Variants in CACNB4 observed in about 807,000 individuals in gnomAD.
CACNB4 encodes the protein voltage-dependent L-type calcium channel subunit beta-4.
CACNB4 carries 32 observed loss-of-function variants against 71.2 expected under a neutral mutation model. The ratio of observed to expected loss-of-function variants is 0.45; its 90% CI spans 0.34 to 0.60. The LOEUF is 0.60. Ranked by LOEUF, CACNB4 falls within the 20% of genes least tolerant of loss-of-function variation. The pLI is 0.01. For missense variants in CACNB4, 464 were observed against 647.9 expected, an observed-to-expected ratio of 0.72 and a Z score of 3.08; for synonymous variants, 231 against 236.9, an observed-to-expected ratio of 0.97 and a Z score of 0.23.
At chr2:151,886,267 A>C (rs768281803) in intron 2 of CACNB4, among the ~76,000 whole-genome samples, 1 of 152,186 alleles carries the variant, frequency 6.6e-6, no homozygotes, top group Non-Finnish European at 1.5e-5. Flanking sequence ...GTAAGTCAGG[A>C]AGAAGGCACT....
chr2:152,065,149 G>T (rs528092346), intron 2 of CACNB4, among the ~76,000 whole-genome samples: 1 of 152,110 alleles, frequency 6.6e-6, no homozygotes, highest in Non-Finnish European at 1.5e-5. Context: ...TTGGGAGACC[G>T]AGGTGGGCAG....
intron 2 of CACNB4, among the ~76,000 whole-genome samples, chr2:151,923,824 A>G (rs2099859544): frequency 6.6e-6 from 1 of 152,156 alleles, no homozygotes; most frequent in Non-Finnish European, 1.5e-5. Flanking sequence ...AAAATGTGGA[A>G]GACTGGGAAA....
intron 2 of CACNB4, among the ~76,000 whole-genome samples, chr2:151,993,151 G>GT (rs34066188): frequency 5.7e-4 from 83 of 145,148 alleles, no homozygotes; most frequent in Middle Eastern, 7.1e-3. Context: ...CACGTTTTTT[G>GT]TTTTTTTTTT....
At chr2:151,861,854 A>AAAAAAAAAAAAAAAAAAACAAAAC (rs1559883066) in intron 9 of CACNB4, 1 of 150,118 alleles carries the variant, frequency 6.7e-6, no homozygotes, top group African/African-American at 2.5e-5. Context: ...AAAAAAAAAA[A>AAAAAAAAAAAAAAAAAAACAAAAC]AAAACTGAAG....
chr2:152,005,856 A>G (rs1682692810), intron 2 of CACNB4, among the ~76,000 whole-genome samples: 1 of 152,174 alleles, frequency 6.6e-6, no homozygotes, highest in African/African-American at 2.4e-5. Context: ...ATTTGTAAAT[A>G]GGGATAACAA....
intron 2 of CACNB4, among the ~76,000 whole-genome samples, chr2:151,957,597 T>G (rs2099868654): frequency 6.6e-6 from 1 of 152,156 alleles, no homozygotes; most frequent in Non-Finnish European, 1.5e-5. Flanking sequence ...TCACAAACTC[T>G]CGAGCTGACC....
chr2:152,098,452 G>A lies in CACNB4; in HGVS notation c.64-39C>T, dbSNP rs750082820. 3.8e-6 allele frequency: 6 copies of A among 1,562,170 alleles called. No individual in the cohort carries two copies. In the Admixed American group the frequency reaches 5.0e-5, roughly 13 times the overall value. On this transcript the variant is annotated intron_variant, in intron 1 of 13. Transcript: ENST00000539935. The surrounding 1 kb of genome is among the most constrained non-coding windows in gnomAD (Gnocchi z 5.3). ...ACGGGGGCCAGAGAGAAGCCGGTGA[G>A]GACCGCAGCGCAGAGCGGGGCGACC...
intron 2 of CACNB4, among the ~76,000 whole-genome samples, chr2:152,085,216 A>G (rs1687591252): frequency 6.6e-6 from 1 of 152,074 alleles, no homozygotes; most frequent in South Asian, 2.1e-4. Context: ...ATGCAAGTAC[A>G]GGCAGAGGGG....
intron 2 of CACNB4, among the ~76,000 whole-genome samples, chr2:151,903,375 C>T (rs1398273396): frequency 6.6e-6 from 1 of 151,874 alleles, no homozygotes; most frequent in Non-Finnish European, 1.5e-5. Flanking sequence ...AAAAATTAGC[C>T]GGATGTGGTG....
intron 2 of CACNB4, among the ~76,000 whole-genome samples, chr2:152,013,740 C>T (rs559113195): frequency 1.3e-5 from 2 of 152,182 alleles, no homozygotes; most frequent in East Asian, 1.9e-4. Context: ...GTGTTATAAT[C>T]GCAAAGCCCT....
At chr2:151,846,489 T>A (rs988974461) in intron 12 of CACNB4, among the ~76,000 whole-genome samples, 3 of 152,194 alleles carry the variant, frequency 2.0e-5, no homozygotes, top group Non-Finnish European at 2.9e-5. Flanking sequence ...AATAAAAAGT[T>A]TATAAACTGT....
intron 2 of CACNB4, among the ~76,000 whole-genome samples, chr2:152,080,587 A>G (rs1687308760): frequency 6.6e-6 from 1 of 152,172 alleles, no homozygotes; most frequent in Non-Finnish European, 1.5e-5. Flanking sequence ...AGTTTCTAGA[A>G]AGTTCAGACT....
rs543865373 is a variant in CACNB4, at chr2:151,926,590, T to C, written c.148-43220A>G. 2.7e-4 allele frequency among the ~76,000 whole-genome samples: 41 copies of C among 152,360 alleles called. No homozygotes were observed. The East Asian group carries it at 6.7e-3, about 25-fold the overall frequency. On this transcript the variant is annotated intron_variant, in intron 2 of 13. Transcript: ENST00000539935. ...TTTGATGGAAAAAAAATTACATCTG[T>C]ATTTTGACTCCTCCCTAATGCAGCA... is the stretch of plus-strand genomic sequence containing the variant.
chr2:152,070,598 C>A (rs1481285698), intron 2 of CACNB4, among the ~76,000 whole-genome samples: 2 of 152,074 alleles, frequency 1.3e-5, no homozygotes, highest in East Asian at 3.9e-4. Context: ...TAATGCAATG[C>A]ACTATTACTA....
At chr2:152,079,042 G>T (rs940360886) in intron 2 of CACNB4, among the ~76,000 whole-genome samples, 1 of 152,176 alleles carries the variant, frequency 6.6e-6, no homozygotes, top group African/African-American at 2.4e-5. Flanking sequence ...CCCACCAAGA[G>T]GCATGCAGAG....
chr2:151,922,875 G>C (rs926565365), intron 2 of CACNB4, among the ~76,000 whole-genome samples: 4 of 152,204 alleles, frequency 2.6e-5, no homozygotes, highest in Admixed American at 6.5e-5. Context: ...ATCAAATGTA[G>C]TCAATACTGA....
chr2:151,900,336 G>A (rs1367569199), intron 2 of CACNB4, among the ~76,000 whole-genome samples: 2 of 152,218 alleles, frequency 1.3e-5, no homozygotes, highest in East Asian at 3.8e-4. Context: ...AAAGGCAGAG[G>A]TCAGTCTGAG....
intron 2 of CACNB4, among the ~76,000 whole-genome samples, chr2:151,966,634 T>C (rs16830513): frequency 0.094 from 14,297 of 152,094 alleles, 1,613 homozygotes; most frequent in East Asian, 0.57. Flanking sequence ...CAAAATACAA[T>C]GAACTAATCA....
chr2:152,047,250 T>C lies in CACNB4; in HGVS notation c.147+51080A>G, dbSNP rs986171804. On this transcript the variant is annotated intron_variant, in intron 2 of 13. Coordinates refer to ENST00000539935, the MANE Select transcript of CACNB4 (RefSeq NM_000726.5). ...TTCAGAAACCCAAACCCTTACCAGA[T>C]GGAAAATGTCAACCGCTGTCACACA... 1.1e-4 allele frequency among the ~76,000 whole-genome samples: 16 copies of C among 152,268 alleles called. No homozygotes were observed. In the East Asian group the frequency reaches 2.9e-3, roughly 28 times the overall value.
Sources: gnomAD v4.1 joint callset for allele counts (sites outside exome capture counted in the v4.1 genomes callset) on GRCh38, gnomAD v4.1.1 for gene constraint, Gnocchi (gnomAD v3.1) non-coding constraint, MANE v1.5 for transcripts, NCBI Gene and HGNC (gene_info 2026-07-23, HGNC 2026-07-21) for gene names.